Variants in WDR36 observed in about 807,000 individuals in gnomAD.
WDR36 encodes the protein WD repeat-containing protein 36.
A neutral mutation model predicts 112.7 loss-of-function variants in WDR36; 63 were observed. The observed-to-expected ratio is 0.56, with a 90% confidence interval of 0.46 to 0.69. WDR36 has a LOEUF of 0.69. WDR36 is among the 30% of genes least tolerant of loss of function. The probability of loss-of-function intolerance (pLI) is 0.00; values close to 1 mark genes in which losing one functional copy is unlikely to be tolerated. For missense variants in WDR36, 1,226 were observed against 1,070.3 expected (o/e 1.15, Z -2.03); for synonymous variants, 410 against 362.2 (o/e 1.13, Z -1.50).
chr5:111,092,519 A>T lies in WDR36; in HGVS notation c.63A>T (p.Gly21=), dbSNP rs775857462. The T allele has an allele frequency of 5.1e-5, 82 of 1,614,080 alleles. No individual in the cohort carries two copies. Among genetic ancestry groups the T allele is most frequent in the Middle Eastern group, 1.6e-4 (1 of 6,084 alleles). The change falls in exon 1 of 23, where the codon GGA becomes GGT. Residue 21 remains glycine, a synonymous_variant. Transcript: ENST00000513710. ...TTTTTGCGGGGTTCCGGGCCTTGGGACTTTTCAGCAACGACATTCCACACG... is the reference window on the plus strand; with the variant it reads ...TTTTTGCGGGGTTCCGGGCCTTGGGTCTTTTCAGCAACGACATTCCACACG... ...SALFAGFRAL[G]LFSNDIPHVV... is the part of the protein sequence containing the mutation.
Position 111,104,253 on chromosome 5 carries a change from C to T in WDR36, c.807C>T (p.Ile269=). The T allele has an allele frequency of 6.2e-7, 1 of 1,611,952 alleles. No individual in the cohort carries two copies. The highest frequency in any genetic ancestry group is 2.2e-5 in the East Asian group (1 of 44,826). Residue 269 remains isoleucine, a synonymous_variant, in exon 8 of 23, where the codon ATC becomes ATT. Transcript: ENST00000513710. ...GGGATCTAGAAGACAAAAAATTAATCAACCAAATGAGAAATGCACACTCTA... is the reference window on the plus strand; with the variant it reads ...GGGATCTAGAAGACAAAAAATTAATTAACCAAATGAGAAATGCACACTCTA... ...GLWDLEDKKL[I]NQMRNAHSTA... is the part of the protein sequence containing the mutation.
chr5:111,119,215 T>C lies in WDR36; in HGVS notation c.1904+95T>C, dbSNP rs1753518248. Reference sequence around the variant, plus strand: ...AATTGTCATTTAGGCTGTTTTTAAGTGTATTAAATGGAAATGTCACAAGTT... The same window carrying C: ...AATTGTCATTTAGGCTGTTTTTAAGCGTATTAAATGGAAATGTCACAAGTT... On this transcript the variant is annotated intron_variant, in intron 17 of 22. Transcript: ENST00000513710. 6.2e-6 allele frequency: 6 copies of C among 964,494 alleles called. No individual in the cohort carries two copies. In the East Asian group the frequency reaches 1.4e-4, roughly 23 times the overall value. The allele number at this position is 964,494 out of a possible 1,614,324, so 59.7% of individuals were successfully genotyped here.
intron 8 of WDR36, among the ~76,000 whole-genome samples, 156 bp from the exon 9 acceptor site, chr5:111,104,541 A>T (rs1402510771): frequency 6.6e-6 from 1 of 151,594 alleles, no homozygotes; most frequent in Non-Finnish European, 1.5e-5. Context: ...ATTACAGTTT[A>T]TTTCTCCCCC....
At chr5:111,094,103 T>C (rs1288173775) in intron 1 of WDR36, among the ~76,000 whole-genome samples, 1 of 152,190 alleles carries the variant, frequency 6.6e-6, no homozygotes, top group Non-Finnish European at 1.5e-5. Context: ...TGACTATGGC[T>C]ATATATGCTG....
chr5:111,100,506 CTTACTT>C, intron 4 of WDR36, 77 bp from the exon 5 acceptor site: 4 of 940,146 alleles, frequency 4.3e-6, no homozygotes, highest in South Asian at 1.8e-5. Flanking sequence ...ATGTGATAGA[CTTACTT>C]TAAGTGATAA....
Position 111,110,196 on chromosome 5 carries a change from A to T in WDR36, c.1334A>T (p.Asp445Val), listed in dbSNP as rs372174536. ...GGGTTTTTTTTCTTAAAGGCAGTGG[A>T]TATAACTTCTTGTGGAAACTTTGCT... ...KKDDITATAVDITSCGNFAVI... is the reference protein window; with the variant it reads ...KKDDITATAVVITSCGNFAVI... The change falls in exon 13 of 23, where the codon GAT (aspartate) becomes GTT (valine). Residue 445 changes from aspartate (D) to valine (V), a missense_variant. Transcript: ENST00000513710. 27 of 1,609,644 alleles carry T rather than the reference A, an allele frequency of 1.7e-5. 1 individual carries two copies. Among genetic ancestry groups the T allele is most frequent in the East Asian group, 6.7e-5 (3 of 44,732 alleles).
Position 111,106,039 on chromosome 5 carries a change from C to G in WDR36, c.1094-18C>G. ...AAGGATTCATAGCTATGTATGTTCCCCTTTCCCCCATCCTTAGGATTAATA... is the reference window on the plus strand; with the variant it reads ...AAGGATTCATAGCTATGTATGTTCCGCTTTCCCCCATCCTTAGGATTAATA... On this transcript the variant is annotated intron_variant, in intron 10 of 22. Transcript: ENST00000513710. 6.3e-7 allele frequency: 1 copy of G among 1,578,292 alleles called. No individual in the cohort carries two copies. The highest frequency in any genetic ancestry group is 1.1e-5 in the South Asian group (1 of 90,326).
In WDR36 at chr5:111,107,438, C is replaced by T. The variant is rs138019725; in HGVS notation, c.1325C>T (p.Thr442Ile). The T allele has an allele frequency of 4.3e-6, 7 of 1,609,342 alleles. No homozygotes were observed. In the African/African-American group the frequency reaches 9.4e-5, roughly 22 times the overall value. ...KELKKDDITATAVDITSCGNF... is the reference protein window; with the variant it reads ...KELKKDDITAIAVDITSCGNF... ...TTGAAGAAAGATGACATAACTGCAA[C>T]AGTAAGTGAGCTTGTTTATAAGAGT... The change falls in exon 12 of 23, where the codon ACA (threonine) becomes ATA (isoleucine). Residue 442 changes from threonine (T) to isoleucine (I), a missense_variant and splice_region_variant. Physicochemically the swap from Thr to Ile is moderately conservative, Grantham distance 89. Transcript: ENST00000513710.
intron 2 of WDR36, among the ~76,000 whole-genome samples, chr5:111,095,739 A>G (rs1230802252): frequency 6.6e-6 from 1 of 152,218 alleles, no homozygotes; most frequent in Non-Finnish European, 1.5e-5. Context: ...GGTCTCAAAC[A>G]TTTCAGATAA....
intron 22 of WDR36, among the ~76,000 whole-genome samples, chr5:111,126,268 C>A (rs916874601): frequency 1.3e-5 from 2 of 151,646 alleles, no homozygotes; most frequent in African/African-American, 4.8e-5. Flanking sequence ...TCAAAATGTT[C>A]ACTTCTATCA....
At position 111,125,509 on chromosome 5, in the gene WDR36, C is replaced by T. The variant is rs1342751260; in HGVS notation, c.2351-99C>T. On this transcript the variant is annotated intron_variant, in intron 21 of 22. Transcript: ENST00000513710. The stretch of plus-strand genomic sequence containing the variant: ...TAACCCACAGGAAGAATTTCCTGTA[C>T]CATTTAAATATATCCTATTTGGGGT... 3.3e-6 allele frequency: 4 copies of T among 1,221,710 alleles called. No homozygotes were observed. The African/African-American group carries it at 4.6e-5, about 14-fold the overall frequency. The allele number at this position is 1,221,710 out of a possible 1,614,324, so 75.7% of individuals were successfully genotyped here. A position where few individuals can be genotyped will look rare whatever the true frequency, so the allele number is the denominator to read the frequency against.
rs562223310 is a variant in WDR36 at position 111,113,125 on chromosome 5, A to G, written c.1768A>G (p.Ile590Val). 112 of 1,588,186 alleles carry G rather than the reference A, an allele frequency of 7.1e-5. 1 individual carries two copies. The South Asian group carries it at 7.2e-4, about 10-fold the overall frequency. The change falls in exon 16 of 23, where the codon ATT becomes GTT. Residue 590 changes from isoleucine (I) to valine (V), a missense_variant. Transcript: ENST00000513710. ...AATAAGTGCTGCGATGGATTGCTCTATTAGGACTTGGGACCTTCCTTCTGG... is the reference window on the plus strand; with the variant it reads ...AATAAGTGCTGCGATGGATTGCTCTGTTAGGACTTGGGACCTTCCTTCTGG... The part of the protein sequence containing the change: ...WLISAAMDCS[I>V]RTWDLPSGCL...
chr5:111,111,265 A>T lies in WDR36; in HGVS notation c.1703A>T (p.Gln568Leu), dbSNP rs895880736. 1 of 1,610,948 alleles carries T rather than the reference A, an allele frequency of 6.2e-7. No homozygotes were observed. Among genetic ancestry groups the T allele is most frequent in the East Asian group, 2.2e-5 (1 of 44,800 alleles). ...IVREFSGHQG[Q>L]INDMAFSPDG... ...AGAGAGTTTTCTGGACACCAAGGCC[A>T]AATAAATGACATGGTAAAACAAACT... The change falls in exon 15 of 23, where the codon CAA becomes CTA. Residue 568 changes from glutamine to leucine, a missense_variant. Transcript: ENST00000513710.
At chr5:111,113,705 AG>A (rs1219643206) in intron 16 of WDR36, among the ~76,000 whole-genome samples, 1 of 152,264 alleles carries the variant, frequency 6.6e-6, no homozygotes, top group East Asian at 1.9e-4. Flanking sequence ...GAGAAGCCCC[AG>A]GTCAAAGGGC....
chr5:111,111,548 C>G, intron 15 of WDR36: 1 of 380,146 alleles, frequency 2.6e-6, no homozygotes, highest in Non-Finnish European at 5.0e-6. Context: ...AATGAATGAT[C>G]CATTGGTATA....
chr5:111,110,236 A>T lies in WDR36; in HGVS notation c.1374A>T (p.Ser458=). The change falls in exon 13 of 23, where the codon TCA becomes TCT. Residue 458 remains serine, a synonymous_variant. Transcript: ENST00000513710. ...SCGNFAVIGL[S]SGTVDVYNMQ... is the part of the protein sequence containing the mutation. ...GAAACTTTGCTGTAATTGGCCTCTC[A>T]TCAGGAACTGTAGATGTATATAACA... The T allele has an allele frequency of 6.2e-7, 1 of 1,610,604 alleles. No individual in the cohort carries two copies. Among genetic ancestry groups the T allele is most frequent in the Non-Finnish European group, 8.5e-7 (1 of 1,177,312 alleles).
chr5:111,099,747 G>C (rs114476221), intron 4 of WDR36, among the ~76,000 whole-genome samples: 2,642 of 151,994 alleles, frequency 0.017, 31 homozygotes, highest in Non-Finnish European at 0.029. Context: ...TCTTAAAATA[G>C]CATTCAAAGT....
intron 16 of WDR36, among the ~76,000 whole-genome samples, chr5:111,118,108 T>C (rs10491424): frequency 0.4 from 60,800 of 152,010 alleles, 12,497 homozygotes; most frequent in Middle Eastern, 0.53. Context: ...TTAATGACTT[T>C]CCATCGATTA....
chr5:111,104,140 G>T, intron 7 of WDR36, 37 bp from the exon 8 acceptor site: 1 of 1,567,404 alleles, frequency 6.4e-7, no homozygotes, highest in Non-Finnish European at 8.7e-7. Flanking sequence ...GGGGGATCTA[G>T]AAGTATTTTT....
Sources: allele counts gnomAD v4.1 joint callset (sites outside exome capture counted in the v4.1 genomes callset), GRCh38; gene constraint gnomAD v4.1.1; transcripts MANE v1.5; gene names NCBI Gene and HGNC (gene_info 2026-07-23, HGNC 2026-07-21).